LCT: variants seen among roughly 807,000 people sequenced by gnomAD.
The protein encoded by LCT is lactase/phlorizin hydrolase.
LCT carries 90 observed loss-of-function variants against 173.0 expected under a neutral mutation model. That is an observed-to-expected ratio of 0.52 (90% CI 0.44 to 0.62). The LOEUF (loss-of-function observed/expected upper bound fraction) is 0.62, where lower values mean the gene tolerates loss of function less well. Ranked by LOEUF, LCT falls within the 20% of genes least tolerant of loss-of-function variation. LCT has a pLI of 0.00. For missense variants in LCT, 1,864 were observed against 2,431.4 expected (o/e 0.77, Z 4.91); for synonymous variants, 853 against 957.6 (o/e 0.89, Z 2.02).
At chr2:135,796,849 A>G (rs887538767) in intron 13 of LCT, among the ~76,000 whole-genome samples, 2 of 151,952 alleles carry the variant, frequency 1.3e-5, no homozygotes, top group Non-Finnish European at 2.9e-5. Flanking sequence ...TTTGCTGGAG[A>G]TCACAGTTCG....
chr2:135,825,225 T>C (rs919385275), intron 3 of LCT, among the ~76,000 whole-genome samples: 5 of 152,156 alleles, frequency 3.3e-5, no homozygotes, highest in African/African-American at 1.2e-4. Flanking sequence ...TACCAAAAGA[T>C]ACCAATAGTA....
At chr2:135,822,149 T>C (rs753049263) in intron 4 of LCT, 51 bp from the exon 5 acceptor site, 7 of 1,074,852 alleles carry the variant, frequency 6.5e-6, no homozygotes, top group East Asian at 4.7e-5. Context: ...ACTAAGAACA[T>C]GCAAGTCTGA....
rs2077598896 is a variant in LCT at position 135,798,239 on chromosome 2, C to T, written c.4867-101G>A. On this transcript the variant is annotated intron_variant, in intron 12 of 16. Coordinates refer to ENST00000264162, the MANE Select transcript of LCT (RefSeq NM_002299.4). ...AGTGCCTGGCCTCACAACCTCCCTC[C>T]TTTTCCTGGACCCCCAGGTTAAGCT... 3 of 763,454 alleles carry T rather than the reference C, an allele frequency of 3.9e-6. No individual in the cohort carries two copies. In the South Asian group the frequency reaches 4.1e-5, roughly 10 times the overall value. The allele number at this position is 763,454 out of a possible 1,614,324, so 47.3% of individuals were successfully genotyped here.
intron 5 of LCT, among the ~76,000 whole-genome samples, chr2:135,819,784 C>T (rs990680881): frequency 2.6e-5 from 4 of 152,198 alleles, no homozygotes; most frequent in Admixed American, 6.5e-5. Flanking sequence ...TGCGTATCCA[C>T]GGTGCCCATA....
rs374241792 is a variant in LCT, at chr2:135,809,575, G to C, written c.2772C>G (p.Ala924=). 2 of 1,614,208 alleles carry C rather than the reference G, an allele frequency of 1.2e-6. No individual in the cohort carries two copies. The highest frequency in any genetic ancestry group is 4.5e-5 in the East Asian group (2 of 44,880). The change falls in exon 8 of 17, where the codon GCC becomes GCG. Residue 924 remains alanine (A), a synonymous_variant. Transcript: ENST00000264162. The surrounding 1 kb of genome is among the most constrained non-coding windows in gnomAD (Gnocchi z 5.5). ...CCCAGATGCTGGGGCCTTTGCCATC[G>C]GCATCCCACGCGCCTTCAATCTGAT... The part of the protein sequence containing the change: ...SAYQIEGAWD[A]DGKGPSIWDN...
intron 12 of LCT, among the ~76,000 whole-genome samples, chr2:135,799,317 CT>C (rs934150902): frequency 1.1e-4 from 16 of 152,102 alleles, no homozygotes; most frequent in African/African-American, 3.6e-4. Flanking sequence ...AAACCCTTGC[CT>C]TTCCTTCCTG....
rs868496020 is a variant in LCT, at chr2:135,809,889, C to T, written c.2458G>A (p.Val820Ile). 1.1e-5 allele frequency: 17 copies of T among 1,614,136 alleles called. No individual in the cohort carries two copies. In the East Asian group the frequency reaches 3.3e-4, roughly 32 times the overall value. ...GACTTGCTGCTGTCGCTGAAGTTGA[C>T]GTGGTGCAGGCCAAACCGCTGGCTG... ...GYSQRFGLHH[V>I]NFSDSSKSRT... The change falls in exon 8 of 17, where the codon GTC (valine) becomes ATC (isoleucine). Residue 820 changes from valine to isoleucine, a missense_variant. Around this residue, in one of 4 missense-constraint regions of LCT, gnomAD observed 755 missense variants for 926.3 expected, o/e 0.82. Coordinates refer to ENST00000264162, the MANE Select transcript of LCT (RefSeq NM_002299.4). This position sits in a 1 kb window ranked among gnomAD's most constrained non-coding sequence, Gnocchi z 5.5.
chr2:135,808,265 C>T (rs552048076), intron 8 of LCT, among the ~76,000 whole-genome samples, 178 bp downstream of exon 8: 1 of 152,090 alleles, frequency 6.6e-6, no homozygotes, highest in East Asian at 1.9e-4. Flanking sequence ...CAACCATAGC[C>T]TTTTTTCCCC....
chr2:135,809,436 C>A lies in LCT; in HGVS notation c.2911G>T (p.Val971Leu). The A allele has an allele frequency of 1.9e-6, 3 of 1,614,238 alleles. No individual in the cohort carries two copies. Among genetic ancestry groups the A allele is most frequent in the Non-Finnish European group, 2.5e-6 (3 of 1,180,048 alleles). Residue 971 changes from valine (V) to leucine (L), a missense_variant, in exon 8 of 17, where the codon GTG becomes TTG. Physicochemically the swap from Val to Leu is conservative, Grantham distance 32. This residue lies in a region of LCT where 755 missense variants were observed against 926.3 expected (regional missense o/e 0.82). Transcript: ENST00000264162. The surrounding 1 kb of genome is among the most constrained non-coding windows in gnomAD (Gnocchi z 5.5). ...ADLNMLRALK[V>L]KAYRFSISWS... Reference sequence around the variant, plus strand: ...GAGATAGAGAAGCGGTAGGCCTTCACCTTCAAAGCTCGGAGCATATTCAGA... The same window carrying A: ...GAGATAGAGAAGCGGTAGGCCTTCAACTTCAAAGCTCGGAGCATATTCAGA...
At chr2:135,834,712 C>T (rs1363961176) in intron 1 of LCT, among the ~76,000 whole-genome samples, 9 of 126,170 alleles carry the variant, frequency 7.1e-5, no homozygotes, top group Admixed American at 2.0e-4. Context: ...TGCTTGAACT[C>T]GGGAGGCAGA....
In LCT at chr2:135,824,101, CTGGCTTTGGAAA is replaced by C. The variant is rs1291172347; in HGVS notation, c.805-110_805-99del. The C allele has an allele frequency of 8.6e-6, 7 of 815,020 alleles. No homozygotes were observed. The African/African-American group carries it at 1.2e-4, about 14-fold the overall frequency. The allele number at this position is 815,020 out of a possible 1,614,324, so 50.5% of individuals were successfully genotyped here. On this transcript the variant is annotated intron_variant, in intron 3 of 16. Coordinates refer to ENST00000264162, the MANE Select transcript of LCT (RefSeq NM_002299.4). Reference sequence around the variant, plus strand: ...AAGATGAGAAGCTGTGGCACTTACTCTGGCTTTGGAAATGACCTCTAAGTATCTCAGTTAATT... The same window carrying C: ...AAGATGAGAAGCTGTGGCACTTACTCTGACCTCTAAGTATCTCAGTTAATT...
Position 135,804,206 on chromosome 2 carries a change from C to CCTATGCTTATGAGACTTTGTCTCATAA in LCT, c.4465-79_4465-78insTTATGAGACAAAGTCTCATAAGCATAG, listed in dbSNP as rs2077650292. 5.4e-6 allele frequency: 6 copies of CCTATGCTTATGAGACTTTGTCTCATAA among 1,110,934 alleles called. No homozygotes were observed. The East Asian group carries it at 1.4e-4, about 26-fold the overall frequency. 68.8% of individuals were successfully genotyped at this position (1,110,934 alleles called of 1,614,324 possible). On this transcript the variant is annotated intron_variant, in intron 10 of 16. Coordinates refer to ENST00000264162, the MANE Select transcript of LCT (RefSeq NM_002299.4). Reference sequence around the variant, plus strand: ...CCTAGGTTAGATGTGCCAGCATCAACGTCTGCTGCAAATCCTGAGAGTGAC... The same window carrying CCTATGCTTATGAGACTTTGTCTCATAA: ...CCTAGGTTAGATGTGCCAGCATCAACCTATGCTTATGAGACTTTGTCTCATAAGTCTGCTGCAAATCCTGAGAGTGAC...
Position 135,817,772 on chromosome 2 carries a change from G to A in LCT, c.1276C>T (p.Leu426=), listed in dbSNP as rs2077792877. The change falls in exon 6 of 17, where the codon CTG becomes TTG. Residue 426 remains leucine (L), a synonymous_variant. Transcript: ENST00000264162. ...PLNTTEGQAT[L]EVASDSYHKV... is the part of the protein sequence containing the mutation. ...TGGTAACTGTCGCTGGCCACCTCCAGCGTCGCTTGGCCCTCAGTGGTGTTC... is the reference window on the plus strand; with the variant it reads ...TGGTAACTGTCGCTGGCCACCTCCAACGTCGCTTGGCCCTCAGTGGTGTTC... The A allele has an allele frequency of 6.2e-7, 1 of 1,613,848 alleles. No individual in the cohort carries two copies.
chr2:135,834,216 C>T (rs1460663393), intron 1 of LCT, among the ~76,000 whole-genome samples: 1 of 151,944 alleles, frequency 6.6e-6, no homozygotes, highest in Non-Finnish European at 1.5e-5. Context: ...GACAGAGTCT[C>T]GCTCTGTCGC....
chr2:135,795,604 CTAATAA>C (rs768794511), intron 13 of LCT, among the ~76,000 whole-genome samples: 24 of 146,078 alleles, frequency 1.6e-4, no homozygotes, highest in Admixed American at 8.9e-4. Context: ...TTCTCCAACT[CTAATAA>C]TAATAATAAT....
intron 2 of LCT, among the ~76,000 whole-genome samples, chr2:135,832,459 A>G (rs2077948317): frequency 6.6e-6 from 1 of 151,716 alleles, no homozygotes; most frequent in Non-Finnish European, 1.5e-5. Flanking sequence ...ATAAAAAATA[A>G]AAAGTGATAG....
chr2:135,796,278 G>A (rs1240066643), intron 13 of LCT, among the ~76,000 whole-genome samples: 1 of 152,214 alleles, frequency 6.6e-6, no homozygotes, highest in African/African-American at 2.4e-5. Flanking sequence ...ATTAACCTGA[G>A]GGATCAAGAA....
At chr2:135,788,704 C>T (rs1189074619) in intron 16 of LCT, among the ~76,000 whole-genome samples, 160 bp from the exon 17 acceptor site, 1 of 152,164 alleles carries the variant, frequency 6.6e-6, no homozygotes, top group African/African-American at 2.4e-5. Context: ...GTGTCAGGAG[C>T]CTCTGAGTGA....
intron 5 of LCT, among the ~76,000 whole-genome samples, chr2:135,819,404 C>T (rs1017894714): frequency 1.3e-5 from 2 of 151,994 alleles, no homozygotes; most frequent in East Asian, 3.9e-4. Flanking sequence ...CAGCAGAGGT[C>T]GGCCTTGAGG....
Sources: gnomAD v4.1 joint callset for allele counts (sites outside exome capture counted in the v4.1 genomes callset) on GRCh38, gnomAD v4.1.1 for gene constraint, gnomAD v4.1.1 regional missense constraint, Gnocchi (gnomAD v3.1) non-coding constraint, MANE v1.5 for transcripts, NCBI Gene and HGNC (gene_info 2026-07-23, HGNC 2026-07-21) for gene names.